NUMB: variants seen among roughly 807,000 people sequenced by gnomAD.
NUMB encodes protein numb homolog.
In NUMB, 29 loss-of-function variants were observed where a neutral mutation model predicts 59.7. That is an observed-to-expected ratio of 0.49 (90% CI 0.36 to 0.66). The LOEUF is 0.66. Ranked by LOEUF, NUMB falls within the 30% of genes least tolerant of loss-of-function variation. NUMB has a pLI of 0.00. For missense variants in NUMB, 723 were observed against 822.0 expected (o/e 0.88, Z 1.47); for synonymous variants, 288 against 288.2 (o/e 1.00, Z 0.01).
At chr14:73,390,390 A>T (rs1292317853) in intron 2 of NUMB, among the ~76,000 whole-genome samples, 4 of 152,164 alleles carry the variant, frequency 2.6e-5, no homozygotes, top group African/African-American at 9.7e-5. Context: ...AGAAACAGTA[A>T]TTAATTTATT....
In NUMB at chr14:73,276,725, A is replaced by G. The variant is rs760791350; in HGVS notation, c.1809T>C (p.His603=). The G allele has an allele frequency of 1.2e-6, 2 of 1,614,206 alleles. No homozygotes were observed. The highest frequency in any genetic ancestry group is 8.5e-7 in the Non-Finnish European group (1 of 1,180,036). ...DDGRLASADR[H]TEVPTGTCPV... ...GGCAGGTGCCTGTAGGAACCTCTGT[A>G]TGCCTGTCTGCTGAGGCCAACCTGC... Residue 603 remains histidine, a synonymous_variant, in exon 13 of 13, where the codon CAT becomes CAC. Transcript: ENST00000555238.
chr14:73,426,636 C>CAG (rs1395930703), intron 1 of NUMB, among the ~76,000 whole-genome samples: 1 of 152,116 alleles, frequency 6.6e-6, no homozygotes, highest in Non-Finnish European at 1.5e-5. Flanking sequence ...AACCTGAGGT[C>CAG]AGAAGTTCGA....
At chr14:73,379,783 A>T (rs908317591) in intron 2 of NUMB, among the ~76,000 whole-genome samples, 1 of 152,164 alleles carries the variant, frequency 6.6e-6, no homozygotes, top group Admixed American at 6.5e-5. Context: ...TAACAAGGAG[A>T]TGATGTGGGT....
chr14:73,377,031 G>GGTAAGAAAAAGAAAAAAGAAAA lies in NUMB; in HGVS notation c.-100-10051_-100-10050insTTTTCTTTTTTCTTTTTCTTAC, dbSNP rs1894981767. Among the ~76,000 whole-genome samples the GGTAAGAAAAAGAAAAAAGAAAA allele has an allele frequency of 3.9e-5, 6 of 152,162 alleles. No homozygotes were observed. In the South Asian group the frequency reaches 1.0e-3, roughly 26 times the overall value. On this transcript the variant is annotated intron_variant, in intron 2 of 12. Transcript: ENST00000555238. ...CCCAAATGAAAAAGAAAAAAGAAAA[G>GGTAAGAAAAAGAAAAAAGAAAA]GTAAGAAAAAGAACTTAGATATAGA...
At chr14:73,384,439 C>A (rs1438944808) in intron 2 of NUMB, among the ~76,000 whole-genome samples, 4 of 151,792 alleles carry the variant, frequency 2.6e-5, no homozygotes, top group Non-Finnish European at 5.9e-5. Context: ...ACACTCATTA[C>A]CAATAGACTT....
At position 73,316,120 on chromosome 14, in the gene NUMB, C is replaced by T. The variant is rs1280525083; in HGVS notation, c.234+270G>A. 3.9e-5 allele frequency among the ~76,000 whole-genome samples: 6 copies of T among 152,184 alleles called. No individual in the cohort carries two copies. The East Asian group carries it at 9.6e-4, about 24-fold the overall frequency. On this transcript the variant is annotated intron_variant, in intron 6 of 12. Transcript: ENST00000555238. ...CGAACTCCTCAGGTGATCCACCAGCCTTGGCCTCCCAAAGTGCTGGGATTA... is the reference window on the plus strand; with the variant it reads ...CGAACTCCTCAGGTGATCCACCAGCTTTGGCCTCCCAAAGTGCTGGGATTA...
Position 73,345,633 on chromosome 14 carries a change from G to A in NUMB, c.126+9993C>T, listed in dbSNP as rs188061914. Among the ~76,000 whole-genome samples, 85 of 152,116 alleles carry A rather than the reference G, an allele frequency of 5.6e-4. 1 individual carries two copies. The East Asian group carries it at 0.013, about 23-fold the overall frequency. On this transcript the variant is annotated intron_variant, in intron 4 of 12. Coordinates refer to ENST00000555238, the MANE Select transcript of NUMB (RefSeq NM_001005743.2). ...AAATTAAAAATAAGAACATTTGGCC[G>A]GGCACAGTGGCTCAAGCCTGTAATC...
Position 73,417,832 on chromosome 14 carries a change from A to C in NUMB, c.-232-7764T>G, listed in dbSNP as rs10142359. On this transcript the variant is annotated intron_variant, in intron 1 of 12. Coordinates refer to ENST00000555238, the MANE Select transcript of NUMB (RefSeq NM_001005743.2). ...TAAACAAAATGTAGTCTAGGCCGGG[A>C]GCCATGGCTCATGCCTGTAATCCCA... Among the ~76,000 whole-genome samples, 4 of 152,162 alleles carry C rather than the reference A, an allele frequency of 2.6e-5. No individual in the cohort carries two copies. The South Asian group carries it at 8.3e-4, about 32-fold the overall frequency.
intron 6 of NUMB, among the ~76,000 whole-genome samples, chr14:73,301,551 C>T (rs147266661): frequency 6.6e-6 from 1 of 152,294 alleles, no homozygotes; most frequent in African/African-American, 2.4e-5. Flanking sequence ...AATTCTCCCA[C>T]TTCAGCCTCC....
intron 1 of NUMB, among the ~76,000 whole-genome samples, chr14:73,425,667 TA>T (rs1184798651): frequency 2.0e-5 from 3 of 152,180 alleles, no homozygotes; most frequent in Admixed American, 2.0e-4. Flanking sequence ...GAAAATATAA[TA>T]ACTACTATAT....
intron 2 of NUMB, among the ~76,000 whole-genome samples, chr14:73,384,419 C>CAAAATTTCTA: frequency 6.6e-6 from 1 of 151,868 alleles, no homozygotes; most frequent in East Asian, 1.9e-4. Flanking sequence ...TGCTTTCAGA[C>CAAAATTTCTA]AAAAATAGAA....
At chr14:73,386,906 A>T (rs1312526498) in intron 2 of NUMB, among the ~76,000 whole-genome samples, 1 of 81,766 alleles carries the variant, frequency 1.2e-5, no homozygotes, top group Non-Finnish European at 2.2e-5. Flanking sequence ...TTTGAGACGG[A>T]GTCTCGCTCT....
chr14:73,404,006 T>G (rs891967978), intron 2 of NUMB, among the ~76,000 whole-genome samples: 1 of 149,070 alleles, frequency 6.7e-6, no homozygotes, highest in Non-Finnish European at 1.5e-5. Context: ...GGCAGAAGAA[T>G]CACTTGAACC....
At chr14:73,434,327 T>G (rs559926177) in intron 1 of NUMB, among the ~76,000 whole-genome samples, 1 of 152,128 alleles carries the variant, frequency 6.6e-6, no homozygotes, top group African/African-American at 2.4e-5. Context: ...AACATAAAGA[T>G]TATAATAGTA....
At chr14:73,455,167 A>G (rs970403737) in intron 1 of NUMB, among the ~76,000 whole-genome samples, 7 of 152,212 alleles carry the variant, frequency 4.6e-5, no homozygotes, top group Admixed American at 2.0e-4. Context: ...AGAGAAAAAA[A>G]TAAACCAAAA....
chr14:73,364,519 T>A (rs74589121), intron 3 of NUMB, among the ~76,000 whole-genome samples: 8,052 of 151,744 alleles, frequency 0.053, 684 homozygotes, highest in African/African-American at 0.18. Flanking sequence ...AATAAAAATT[T>A]TAAAAAAATA....
chr14:73,363,441 T>A (rs1894183553), intron 3 of NUMB, among the ~76,000 whole-genome samples: 1 of 152,028 alleles, frequency 6.6e-6, no homozygotes, highest in African/African-American at 2.4e-5. Context: ...ATTAAACCCA[T>A]CACCCCGAAA....
chr14:73,364,422 T>C (rs1176737720), intron 3 of NUMB, among the ~76,000 whole-genome samples: 2 of 152,106 alleles, frequency 1.3e-5, no homozygotes, highest in Non-Finnish European at 2.9e-5. Context: ...GAAGATCACT[T>C]GAACCTGGGA....
chr14:73,455,710 T>C (rs1390520445), intron 1 of NUMB, among the ~76,000 whole-genome samples: 1 of 152,240 alleles, frequency 6.6e-6, no homozygotes, highest in Non-Finnish European at 1.5e-5. Flanking sequence ...TTTTACTCTC[T>C]AAAAAGGAAA....
Sources: gnomAD v4.1 joint callset for allele counts (sites outside exome capture counted in the v4.1 genomes callset) on GRCh38, gnomAD v4.1.1 for gene constraint, MANE v1.5 for transcripts, NCBI Gene and HGNC (gene_info 2026-07-23, HGNC 2026-07-21) for gene names.